Variants in TRIM60 observed in about 807,000 individuals in gnomAD.
TRIM60 encodes tripartite motif containing 60.
For synonymous variants in TRIM60, 189 were observed against 195.2 expected (o/e 0.97, Z 0.27); for missense variants, 524 against 540.8 (o/e 0.97, Z 0.31).
At chr4:165,037,299 G>A (rs1414029708) in intron 1 of TRIM60, among the ~76,000 whole-genome samples, 1 of 151,968 alleles carries the variant, frequency 6.6e-6, no homozygotes, top group East Asian at 1.9e-4. Context: ...CTTTGGATAC[G>A]CCTATCAAAT....
chr4:165,036,172 T>C (rs551085010), intron 1 of TRIM60, among the ~76,000 whole-genome samples: 1 of 152,360 alleles, frequency 6.6e-6, no homozygotes, highest in South Asian at 2.1e-4. Context: ...GCTGTGCTCA[T>C]TCTTCCGCAC....
At position 165,041,445 on chromosome 4, in the gene TRIM60, C is replaced by A. The variant is rs752664959; in HGVS notation, c.1373C>A (p.Ser458Tyr). ...CCTTATTTCTATACTGGAACAGATT[C>A]CGAACCTCTTAAAATCTGCTCAGTA... is the stretch of plus-strand genomic sequence containing the variant. ...VWPYFYTGTDSEPLKICSVSD... is the reference protein window; with the variant it reads ...VWPYFYTGTDYEPLKICSVSD... The change falls in exon 3 of 3, where the codon TCC becomes TAC. Residue 458 changes from serine to tyrosine, a missense_variant. By Grantham distance (144) the Ser-to-Tyr change is moderately radical (BLOSUM62 -2). Coordinates refer to ENST00000512596, the MANE Select transcript of TRIM60 (RefSeq NM_152620.3). The A allele has an allele frequency of 1.3e-6, 2 of 1,594,918 alleles. No homozygotes were observed. Among genetic ancestry groups the A allele is most frequent in the East Asian group, 4.5e-5 (2 of 44,682 alleles).
At chr4:165,036,889 A>C (rs568878018) in intron 1 of TRIM60, among the ~76,000 whole-genome samples, 471 of 139,616 alleles carry the variant, frequency 3.4e-3, no homozygotes, top group Non-Finnish European at 5.4e-3. Context: ...CTCAAAAAAA[A>C]AAAAAAAGAA....
chr4:165,034,652 T>C lies in TRIM60; in HGVS notation c.-57+2540T>C, dbSNP rs1733581086. On this transcript the variant is annotated intron_variant, in intron 1 of 2. Coordinates refer to ENST00000512596, the MANE Select transcript of TRIM60 (RefSeq NM_152620.3). ...GCTTTTGCAATGACATTGTTATTTA[T>C]GAAAATGTTAAATTGGAAGGTGGGA... 2.6e-5 allele frequency among the ~76,000 whole-genome samples: 4 copies of C among 152,234 alleles called. No individual in the cohort carries two copies. The South Asian group carries it at 8.3e-4, about 31-fold the overall frequency.
At position 165,040,164 on chromosome 4, in the gene TRIM60, G is replaced by A. The variant is rs780972538; in HGVS notation, c.92G>A (p.Cys31Tyr). Residue 31 changes from cysteine (C) to tyrosine (Y), a missense_variant, in exon 3 of 3, where the codon TGT (cysteine) becomes TAT (tyrosine). Transcript: ENST00000512596. ...EYLKDPVTIN[C>Y]GHNFCRSCLS... ...TTGAAAGACCCAGTGACCATCAACT[G>A]TGGGCACAACTTCTGTCGCTCCTGC... The A allele has an allele frequency of 3.1e-6, 5 of 1,614,004 alleles. No individual in the cohort carries two copies. Among genetic ancestry groups the A allele is most frequent in the East Asian group, 2.2e-5 (1 of 44,896 alleles).
chr4:165,039,144 A>G (rs560124170), intron 1 of TRIM60, 57 bp from the exon 2 acceptor site: 1 of 151,908 alleles, frequency 6.6e-6, no homozygotes, highest in South Asian at 2.1e-4. Flanking sequence ...TATTTATTTT[A>G]TATATATATT....
intron 1 of TRIM60, among the ~76,000 whole-genome samples, chr4:165,036,222 T>C (rs1733619104): frequency 6.7e-6 from 1 of 148,890 alleles, no homozygotes; most frequent in South Asian, 2.1e-4. Context: ...TCAGGCACTG[T>C]AACATCCTTA....
chr4:165,038,727 A>G (rs1372859387), intron 1 of TRIM60, among the ~76,000 whole-genome samples: 3 of 149,372 alleles, frequency 2.0e-5, no homozygotes, highest in Non-Finnish European at 4.4e-5. Flanking sequence ...TGAATCTTGT[A>G]TGATTTGGAT....
At position 165,041,431 on chromosome 4, in the gene TRIM60, T is replaced by G; in HGVS notation, c.1359T>G (p.Tyr453Ter). 1 of 1,606,886 alleles carries G rather than the reference T, an allele frequency of 6.2e-7. No homozygotes were observed. Among genetic ancestry groups the G allele is most frequent in the Non-Finnish European group, 8.5e-7 (1 of 1,175,834 alleles). ...CAGAAGCCGTTTGGCCTTATTTCTA[T>G]ACTGGAACAGATTCCGAACCTCTTA... ...CFTEAVWPYF[Y>*]TGTDSEPLKI... Residue 453 changes from tyrosine (Y) to a stop codon, truncating the protein, a stop_gained, in exon 3 of 3, where the codon TAT becomes TAG. Coordinates refer to ENST00000512596, the MANE Select transcript of TRIM60 (RefSeq NM_152620.3). LOFTEE classifies it low-confidence loss of function (END_TRUNC).
At chr4:165,035,720 T>C (rs974172391) in intron 1 of TRIM60, among the ~76,000 whole-genome samples, 2 of 150,702 alleles carry the variant, frequency 1.3e-5, no homozygotes, top group South Asian at 2.1e-4. Flanking sequence ...TTTTTTCTTT[T>C]TTTCTTTCTT....
intron 1 of TRIM60, among the ~76,000 whole-genome samples, chr4:165,036,525 A>G (rs912230810): frequency 3.3e-5 from 5 of 152,278 alleles, no homozygotes; most frequent in African/African-American, 1.2e-4. Flanking sequence ...TATATGAAGC[A>G]CTTTCATAAA....
chr4:165,034,910 C>G lies in TRIM60; in HGVS notation c.-57+2798C>G, dbSNP rs575015921. Among the ~76,000 whole-genome samples, 3 of 152,234 alleles carry G rather than the reference C, an allele frequency of 2.0e-5. No individual in the cohort carries two copies. The South Asian group carries it at 6.2e-4, about 32-fold the overall frequency. On this transcript the variant is annotated intron_variant, in intron 1 of 2. Transcript: ENST00000512596. The stretch of plus-strand genomic sequence containing the variant: ...CTATACATACTACGACAGTTAATGA[C>G]ATAAATGTAGGCAGTTTGGCTAGAT...
At chr4:165,037,320 TTTTTG>T (rs112920483) in intron 1 of TRIM60, among the ~76,000 whole-genome samples, 1 of 151,788 alleles carries the variant, frequency 6.6e-6, no homozygotes, top group African/African-American at 2.4e-5. Flanking sequence ...CATTATACTT[TTTTTG>T]TTTTGTTTTG....
intron 2 of TRIM60, 35 bp from the exon 3 acceptor site, chr4:165,040,034 A>G: frequency 6.4e-7 from 1 of 1,568,512 alleles, no homozygotes. Context: ...GACTGATCAA[A>G]GGGAGGTTAC....
Position 165,036,471 on chromosome 4 carries a change from G to C in TRIM60, c.-56-2730G>C, listed in dbSNP as rs960523381. Reference sequence around the variant, plus strand: ...CCCCCTCATTAGATTATTTGATATAGTGACAAATTGTGGATGTCCATCCAG... The same window carrying C: ...CCCCCTCATTAGATTATTTGATATACTGACAAATTGTGGATGTCCATCCAG... On this transcript the variant is annotated intron_variant, in intron 1 of 2. Coordinates refer to ENST00000512596, the MANE Select transcript of TRIM60 (RefSeq NM_152620.3). Among the ~76,000 whole-genome samples, 7 of 152,198 alleles carry C rather than the reference G, an allele frequency of 4.6e-5. 1 individual carries two copies. In the East Asian group the frequency reaches 1.2e-3, roughly 25 times the overall value.
At chr4:165,037,104 G>C (rs1228935658) in intron 1 of TRIM60, among the ~76,000 whole-genome samples, 1 of 151,684 alleles carries the variant, frequency 6.6e-6, no homozygotes, top group East Asian at 2.0e-4. Flanking sequence ...TTGAGGCTGA[G>C]TCAGGAGAAT....
chr4:165,040,664 CAA>C lies in TRIM60; in HGVS notation c.593_594del (p.Gln198ArgfsTer5). ...EQIRLFLQNE[Q>X]EMILRQIQDE... ...AATAAGATTGTTTTTACAGAATGAA[CAA>C]GAGATGATTCTTAGGCAGATACAAG... On this transcript the variant is annotated frameshift_variant, in exon 3 of 3. Coordinates refer to ENST00000512596, the MANE Select transcript of TRIM60 (RefSeq NM_152620.3). LOFTEE classifies it low-confidence loss of function (END_TRUNC). 1 of 1,613,778 alleles carries C rather than the reference CAA, an allele frequency of 6.2e-7. No homozygotes were observed.
chr4:165,038,558 G>A (rs1326738079), intron 1 of TRIM60, among the ~76,000 whole-genome samples: 2 of 149,954 alleles, frequency 1.3e-5, no homozygotes, highest in Non-Finnish European at 3.0e-5. Flanking sequence ...CTGTGGTCGT[G>A]GTTACTCTGC....
At chr4:165,036,702 G>A (rs866934189) in intron 1 of TRIM60, among the ~76,000 whole-genome samples, 9 of 151,950 alleles carry the variant, frequency 5.9e-5, no homozygotes, top group Admixed American at 2.0e-4. Flanking sequence ...CCAACATGGC[G>A]AAACCCCGTC....
Sources: gnomAD v4.1 joint callset for allele counts (sites outside exome capture counted in the v4.1 genomes callset) on GRCh38, gnomAD v4.1.1 for gene constraint, MANE v1.5 for transcripts, NCBI Gene and HGNC (gene_info 2026-07-23, HGNC 2026-07-21) for gene names.